The following CFAP299 variants were observed in gnomAD, a reference collection of about 807,000 sequenced individuals.
CFAP299 encodes the protein cilia- and flagella-associated protein 299.
CFAP299 carries 21 observed loss-of-function variants against 27.0 expected under a neutral mutation model. The observed-to-expected ratio is 0.78, with a 90% CI of 0.55 to 1.12. The LOEUF is 1.12. Ranked by LOEUF, CFAP299 falls within the 50% of genes most tolerant of loss-of-function variation. CFAP299 has a pLI of 0.00. For missense variants in CFAP299, 310 were observed against 276.6 expected (o/e 1.12, Z -0.86); for synonymous variants, 104 against 98.1 (o/e 1.06, Z -0.36).
At chr4:80,619,571 A>T (rs1452234292) in intron 3 of CFAP299, among the ~76,000 whole-genome samples, 3 of 152,072 alleles carry the variant, frequency 2.0e-5, no homozygotes, top group Non-Finnish European at 2.9e-5. Flanking sequence ...ATATATCTAG[A>T]ATATAGTTAA....
chr4:80,869,700 G>T (rs1390254293), intron 3 of CFAP299, among the ~76,000 whole-genome samples: 1 of 152,148 alleles, frequency 6.6e-6, no homozygotes, highest in Non-Finnish European at 1.5e-5. Flanking sequence ...TTTTAGTAGA[G>T]ATGGGGTTTC....
At chr4:80,324,800 CAG>C in the CFAP299 span, among the ~76,000 whole-genome samples, 4 of 152,180 alleles carry the variant, frequency 2.6e-5, no homozygotes, top group Admixed American at 2.0e-4. Flanking sequence ...GGATGTGGAA[CAG>C]GGGAGGTTTT....
chr4:80,633,242 T>G (rs1490195173), intron 3 of CFAP299, among the ~76,000 whole-genome samples: 6 of 151,740 alleles, frequency 4.0e-5, no homozygotes, highest in Non-Finnish European at 5.9e-5. Flanking sequence ...AGGTCAGGAG[T>G]TTGAGACCAG....
chr4:80,623,956 C>T (rs974632909), intron 3 of CFAP299, among the ~76,000 whole-genome samples: 1 of 152,172 alleles, frequency 6.6e-6, no homozygotes, highest in African/African-American at 2.4e-5. Flanking sequence ...CAACCCAGTG[C>T]CATGCCAGCA....
chr4:80,682,495 AAC>A (rs1719905042), intron 3 of CFAP299, among the ~76,000 whole-genome samples: 1 of 152,164 alleles, frequency 6.6e-6, no homozygotes, highest in Non-Finnish European at 1.5e-5. Flanking sequence ...GGTGTCTAAT[AAC>A]AGCAGCTAAA....
At position 80,782,129 on chromosome 4, in the gene CFAP299, C is replaced by CT. The variant is rs564778400; in HGVS notation, c.334-87855dup. Among the ~76,000 whole-genome samples, 35 of 151,000 alleles carry CT rather than the reference C, an allele frequency of 2.3e-4. No homozygotes were observed. In the South Asian group the frequency reaches 2.7e-3, roughly 12 times the overall value. ...TTTTATCTGGACAATTATGGAATTT[C>CT]TTTTTTTTTGGCTGTGTGATTGGTT... On this transcript the variant is annotated intron_variant, in intron 3 of 5. Coordinates refer to ENST00000358105, the MANE Select transcript of CFAP299 (RefSeq NM_152770.3).
intron 3 of CFAP299, among the ~76,000 whole-genome samples, chr4:80,788,807 T>A (rs531918564): frequency 6.6e-6 from 1 of 152,218 alleles, no homozygotes; most frequent in East Asian, 1.9e-4. Context: ...ATAATCGGCC[T>A]CTGAAACATA....
At chr4:80,890,954 G>A (rs200097280) in intron 4 of CFAP299, among the ~76,000 whole-genome samples, 4,054 of 151,316 alleles carry the variant, frequency 0.027, 128 homozygotes, top group East Asian at 0.15. Flanking sequence ...GTAGATTCTG[G>A]ATATTAGCCC....
chr4:80,640,390 C>T (rs1193726029), intron 3 of CFAP299, among the ~76,000 whole-genome samples: 2 of 152,092 alleles, frequency 1.3e-5, no homozygotes, highest in African/African-American at 2.4e-5. Flanking sequence ...CCAGGCTTAC[C>T]CCTCTTTCCT....
chr4:80,776,758 A>C (rs1207891529), intron 3 of CFAP299, among the ~76,000 whole-genome samples: 1 of 152,122 alleles, frequency 6.6e-6, no homozygotes, highest in African/African-American at 2.4e-5. Flanking sequence ...AAAATAAAAA[A>C]TAAATAAAGC....
chr4:80,526,136 C>T (rs1369118832), intron 2 of CFAP299, among the ~76,000 whole-genome samples: 5 of 152,020 alleles, frequency 3.3e-5, no homozygotes, highest in African/African-American at 9.7e-5. Flanking sequence ...TCCTTTTGGC[C>T]GGAAGTCGGG....
At chr4:80,930,964 C>G (rs1736583498) in intron 4 of CFAP299, among the ~76,000 whole-genome samples, 1 of 151,976 alleles carries the variant, frequency 6.6e-6, no homozygotes, top group African/African-American at 2.4e-5. Context: ...TCTCCTCTGT[C>G]TTTTCATAGC....
chr4:80,584,673 A>G (rs1736342855), intron 3 of CFAP299, among the ~76,000 whole-genome samples: 1 of 152,000 alleles, frequency 6.6e-6, no homozygotes. Flanking sequence ...TATCTCTTCT[A>G]CTATACACAT....
chr4:80,822,979 A>G (rs1465455738), intron 3 of CFAP299, among the ~76,000 whole-genome samples: 1 of 152,204 alleles, frequency 6.6e-6, no homozygotes, highest in Non-Finnish European at 1.5e-5. Flanking sequence ...AAGTTTTAGG[A>G]ATAGTCCAAA....
chr4:80,399,200 G>A (rs565551930), intron 2 of CFAP299, among the ~76,000 whole-genome samples: 1 of 152,278 alleles, frequency 6.6e-6, no homozygotes, highest in Admixed American at 6.5e-5. Flanking sequence ...AACATATGCT[G>A]GAGAGGATGC....
chr4:80,432,472 C>G lies in CFAP299; in HGVS notation c.242+69588C>G, dbSNP rs1202736311. Among the ~76,000 whole-genome samples, 3 of 149,120 alleles carry G rather than the reference C, an allele frequency of 2.0e-5. No individual in the cohort carries two copies. The Admixed American group carries it at 2.0e-4, about 10-fold the overall frequency. ...GGCCCTTTCATTTGTTTTATTTATGCTATTTCTAAAAGACAGTCTTTTTAG... is the reference window on the plus strand; with the variant it reads ...GGCCCTTTCATTTGTTTTATTTATGGTATTTCTAAAAGACAGTCTTTTTAG... On this transcript the variant is annotated intron_variant, in intron 2 of 5. Coordinates refer to ENST00000358105, the MANE Select transcript of CFAP299 (RefSeq NM_152770.3).
At chr4:80,891,499 G>A (rs1734271580) in intron 4 of CFAP299, among the ~76,000 whole-genome samples, 1 of 146,558 alleles carries the variant, frequency 6.8e-6, no homozygotes, top group Admixed American at 6.9e-5. Flanking sequence ...ATCATTCTCA[G>A]TAAACTATCG....
chr4:80,904,346 G>A (rs1363615788), intron 4 of CFAP299, among the ~76,000 whole-genome samples: 1 of 152,118 alleles, frequency 6.6e-6, no homozygotes, highest in Non-Finnish European at 1.5e-5. Context: ...GCAAGTCAAT[G>A]CGTGAGGCTT....
intron 4 of CFAP299, among the ~76,000 whole-genome samples, chr4:80,891,436 T>TA (rs1734267983): frequency 6.6e-6 from 1 of 150,878 alleles, no homozygotes; most frequent in African/African-American, 2.4e-5. Flanking sequence ...TATGCAGCCA[T>TA]AAAAAATGAT....
Sources: allele counts gnomAD v4.1 joint callset (sites outside exome capture counted in the v4.1 genomes callset), GRCh38; gene constraint gnomAD v4.1.1; transcripts MANE v1.5; gene names NCBI Gene and HGNC (gene_info 2026-07-23, HGNC 2026-07-21).